NRG1: variants seen among roughly 807,000 people sequenced by gnomAD.
The protein encoded by NRG1 is pro-neuregulin-1, membrane-bound isoform.
Under a neutral mutation model 63.8 loss-of-function variants are expected in NRG1, and 18 were observed. The observed-to-expected ratio is 0.28, with a 90% CI of 0.19 to 0.42. NRG1 has a LOEUF of 0.42. Among genes scored for constraint, NRG1 ranks in the 10% least tolerant of loss-of-function variants. The pLI is 1.00. For missense variants in NRG1, 762 were observed against 814.7 expected (o/e 0.94, Z 0.79); for synonymous variants, 302 against 301.3 (o/e 1.00, Z -0.02).
At chr8:32,168,439 A>G (rs1450093690) in intron 1 of NRG1, among the ~76,000 whole-genome samples, 2 of 152,172 alleles carry the variant, frequency 1.3e-5, no homozygotes, top group African/African-American at 4.8e-5. Context: ...ATGAAGTATT[A>G]TCAGGGGATT....
intron 1 of NRG1, among the ~76,000 whole-genome samples, chr8:32,192,786 A>G (rs748014237): frequency 5.3e-5 from 8 of 152,190 alleles, no homozygotes; most frequent in Non-Finnish European, 1.2e-4. Flanking sequence ...GATTTTTAAA[A>G]GGCATCTTCA....
intron 1 of NRG1, among the ~76,000 whole-genome samples, chr8:32,385,165 G>A (rs185947792): frequency 1.3e-5 from 2 of 151,690 alleles, no homozygotes; most frequent in East Asian, 1.9e-4. Context: ...GACTACAGGC[G>A]CCCGTCACCA....
At chr8:32,092,006 C>T (rs888461861) in intron 1 of NRG1, among the ~76,000 whole-genome samples, 82 of 151,850 alleles carry the variant, frequency 5.4e-4, no homozygotes, top group African/African-American at 1.9e-3. Flanking sequence ...TGAAAATGAA[C>T]ATATATTTTG....
chr8:31,991,188 AT>A (rs1586312259), intron 1 of NRG1, among the ~76,000 whole-genome samples: 2 of 152,002 alleles, frequency 1.3e-5, no homozygotes, highest in African/African-American at 4.8e-5. Context: ...TTAGAGAACA[AT>A]TTTTTAAGTG....
chr8:31,908,707 T>C (rs1832714530), intron 1 of NRG1, among the ~76,000 whole-genome samples: 1 of 152,222 alleles, frequency 6.6e-6, no homozygotes, highest in South Asian at 2.1e-4. Context: ...TATTATATCA[T>C]CAAAATATTG....
intron 1 of NRG1, among the ~76,000 whole-genome samples, chr8:32,125,233 C>G (rs1833928057): frequency 6.6e-6 from 1 of 151,838 alleles, no homozygotes; most frequent in African/African-American, 2.4e-5. Flanking sequence ...TTGTAGTTAC[C>G]CAGTCTATGG....
At chr8:32,475,333 G>C (rs535638582) in intron 1 of NRG1, among the ~76,000 whole-genome samples, 1 of 151,482 alleles carries the variant, frequency 6.6e-6, no homozygotes, top group Non-Finnish European at 1.5e-5. Context: ...GGTGTGGTGG[G>C]GCATGCCTGT....
chr8:32,553,715 T>C (rs904350123), intron 1 of NRG1, among the ~76,000 whole-genome samples: 1 of 152,172 alleles, frequency 6.6e-6, no homozygotes, highest in Admixed American at 6.5e-5. Context: ...ATTGCAGCAA[T>C]TGAAAAACAA....
intron 1 of NRG1, among the ~76,000 whole-genome samples, chr8:32,287,868 A>C (rs1442939122): frequency 6.6e-6 from 1 of 152,146 alleles, no homozygotes; most frequent in Admixed American, 6.5e-5. Context: ...TTTTGATAAC[A>C]TTGAGATACC....
intron 1 of NRG1, among the ~76,000 whole-genome samples, chr8:31,947,232 G>A (rs964203309): frequency 1.3e-5 from 2 of 150,824 alleles, no homozygotes; most frequent in East Asian, 2.0e-4. Flanking sequence ...CCCGGGAAGC[G>A]GAGCTTGCAG....
chr8:31,729,237 GT>G lies in NRG1; in HGVS notation c.37+89820del, dbSNP rs55859430. ...GGTGGGATTTAAACAAATAAACAAA[GT>G]TTTTTTTTTTTTTCCTTTTTATGCT... On this transcript the variant is annotated intron_variant, in intron 1 of 10. Coordinates refer to the NRG1 transcript ENST00000519301. Among the ~76,000 whole-genome samples, 759 of 149,600 alleles carry G rather than the reference GT, an allele frequency of 5.1e-3. 2 individuals carry two copies. Among genetic ancestry groups the G allele is most frequent in the Middle Eastern group, 0.018 (5 of 284 alleles).
chr8:31,961,358 C>A (rs1296281286), intron 1 of NRG1, among the ~76,000 whole-genome samples: 2 of 152,090 alleles, frequency 1.3e-5, no homozygotes, highest in African/African-American at 4.8e-5. Flanking sequence ...GGCAATTTAA[C>A]CCTCAGCTTA....
At chr8:32,480,414 A>C (rs1242851651) in intron 1 of NRG1, among the ~76,000 whole-genome samples, 1 of 150,496 alleles carries the variant, frequency 6.6e-6, no homozygotes, top group African/African-American at 2.4e-5. Flanking sequence ...AAAATAATGT[A>C]TGGTACATCT....
intron 1 of NRG1, among the ~76,000 whole-genome samples, chr8:32,099,210 A>G (rs1830257503): frequency 6.6e-6 from 1 of 152,214 alleles, no homozygotes; most frequent in Non-Finnish European, 1.5e-5. Context: ...CCAAAGTTGT[A>G]GTAAGCTAAC....
chr8:32,331,913 A>T (rs1249590799), intron 1 of NRG1, among the ~76,000 whole-genome samples: 1 of 152,164 alleles, frequency 6.6e-6, no homozygotes, highest in Non-Finnish European at 1.5e-5. Context: ...ATGAATGATG[A>T]CTATGTCAAA....
intron 1 of NRG1, among the ~76,000 whole-genome samples, chr8:32,088,323 C>G (rs1051838750): frequency 6.6e-6 from 1 of 152,126 alleles, no homozygotes; most frequent in Non-Finnish European, 1.5e-5. Context: ...GATAAATAAT[C>G]ATGGAAAATA....
chr8:31,830,854 A>G (rs1272411837), intron 1 of NRG1, among the ~76,000 whole-genome samples: 1 of 152,124 alleles, frequency 6.6e-6, no homozygotes, highest in East Asian at 1.9e-4. Flanking sequence ...CCCTGTGGAT[A>G]GTGATGGGAT....
At chr8:31,932,564 C>T (rs1042551128) in intron 1 of NRG1, among the ~76,000 whole-genome samples, 2 of 152,178 alleles carry the variant, frequency 1.3e-5, no homozygotes, top group African/African-American at 2.4e-5. Context: ...GTGACATTTA[C>T]TAGTCTTGTA....
At chr8:31,681,276 A>G (rs115294057) in intron 1 of NRG1, among the ~76,000 whole-genome samples, 121 of 152,304 alleles carry the variant, frequency 7.9e-4, no homozygotes, top group African/African-American at 2.8e-3. Flanking sequence ...AGCATGAACC[A>G]TATGGGAAAA....
Sources: allele counts gnomAD v4.1 joint callset (sites outside exome capture counted in the v4.1 genomes callset), GRCh38; gene constraint gnomAD v4.1.1; transcripts MANE v1.5; gene names NCBI Gene and HGNC (gene_info 2026-07-23, HGNC 2026-07-21).